AMPD3: variants seen among roughly 807,000 people sequenced by gnomAD.
AMPD3 encodes the protein adenosine monophosphate deaminase 3.
Under a neutral mutation model 82.3 loss-of-function variants are expected in AMPD3, and 57 were observed. The ratio of observed to expected loss-of-function variants is 0.69; its 90% CI spans 0.56 to 0.86. AMPD3 has a LOEUF of 0.86. Among genes scored for constraint, AMPD3 ranks in the 40% least tolerant of loss-of-function variants. AMPD3 has a pLI of 0.00. For synonymous variants in AMPD3, 381 were observed against 394.7 expected (o/e 0.97, Z 0.41); for missense variants, 870 against 1,003.8 (o/e 0.87, Z 1.80).
Position 10,500,235 on chromosome 11 carries a change from C to G in AMPD3, c.1707C>G (p.Leu569=), listed in dbSNP as rs1849537964. The change falls in exon 11 of 15, where the codon CTC becomes CTG. Residue 569 remains leucine (L), a synonymous_variant. Transcript: ENST00000396553. ...ACATGTATGCCAACATCATGGTGCTCAACAACCTCCGCAGGTGCGTGAGGC... is the reference window on the plus strand; with the variant it reads ...ACATGTATGCCAACATCATGGTGCTGAACAACCTCCGCAGGTGCGTGAGGC... ...LYYMYANIMV[L]NNLRRERGLS... 8 of 1,614,240 alleles carry G rather than the reference C, an allele frequency of 5.0e-6. No individual in the cohort carries two copies. The East Asian group carries it at 1.8e-4, about 36-fold the overall frequency.
At chr11:10,457,912 G>T (rs149396103) in intron 1 of AMPD3, among the ~76,000 whole-genome samples, 56 of 150,142 alleles carry the variant, frequency 3.7e-4, no homozygotes, top group Middle Eastern at 6.8e-3. Flanking sequence ...ATGAATAAAT[G>T]CATGCTTCAT....
chr11:10,451,427 T>C (rs1009507040), upstream of AMPD3, among the ~76,000 whole-genome samples: 5 of 152,202 alleles, frequency 3.3e-5, no homozygotes, highest in African/African-American at 9.6e-5. Context: ...AGGCGAGGGA[T>C]GCACTGGATG....
chr11:10,490,633 T>C, intron 6 of AMPD3: 1 of 985,424 alleles, frequency 1.0e-6, no homozygotes, highest in South Asian at 4.7e-5. Context: ...GAAGTTTGGA[T>C]GGGGTGCTTC....
intron 8 of AMPD3, 47 bp from the exon 9 acceptor site, chr11:10,495,523 A>G (rs1849367788): frequency 6.2e-7 from 1 of 1,612,006 alleles, no homozygotes; most frequent in Non-Finnish European, 8.5e-7. Context: ...AGAGTCTCCC[A>G]TGTAGCTGGG....
intron 12 of AMPD3, 152 bp downstream of exon 12, chr11:10,501,742 T>G: frequency 6.8e-7 from 1 of 1,466,038 alleles, no homozygotes; most frequent in East Asian, 2.5e-5. Flanking sequence ...GAAAGTAATA[T>G]AATCAAACTC....
intron 11 of AMPD3, chr11:10,500,966 G>A (rs1259213225): frequency 6.1e-6 from 6 of 985,396 alleles, no homozygotes; most frequent in Non-Finnish European, 6.0e-6. Flanking sequence ...TTCGAATGGG[G>A]TCCTGATTGA....
At chr11:10,470,179 T>A (rs747267239) in intron 2 of AMPD3, among the ~76,000 whole-genome samples, 1 of 152,202 alleles carries the variant, frequency 6.6e-6, no homozygotes, top group Admixed American at 6.5e-5. Flanking sequence ...TCAATCAGCG[T>A]AATCCATCGC....
chr11:10,493,372 CG>C lies in AMPD3; in HGVS notation c.964del (p.Ala322ProfsTer3). On this transcript the variant is annotated frameshift_variant, in exon 7 of 15. Transcript: ENST00000396553. LOFTEE classifies it high-confidence loss of function. ...RKVDTHIHAAACMNQKHLLRF... is the reference protein window; with the variant it reads ...RKVDTHIHAAXCMNQKHLLRF... Reference sequence around the variant, plus strand: ...AGGTGGACACACACATCCATGCGGCCGCCTGCATGAACCAAAAGCATCTGCT... The same window carrying C: ...AGGTGGACACACACATCCATGCGGCCCCTGCATGAACCAAAAGCATCTGCT... The C allele has an allele frequency of 6.2e-7, 1 of 1,614,170 alleles. No homozygotes were observed. Among genetic ancestry groups the C allele is most frequent in the Non-Finnish European group, 8.5e-7 (1 of 1,180,036 alleles).
rs756654872 is a variant in AMPD3 at position 10,505,881 on chromosome 11, C to G, written c.2301C>G (p.Asn767Lys). ...MKSEEITALTN is the reference protein window; with the variant it reads ...MKSEEITALTK ...CAGAAGAGATCACCGCCTTGACCAA[C>G]TAGGTCCAGCATTTGACATGCATTT... The change falls in exon 15 of 15, where the codon AAC (asparagine) becomes AAG (lysine). Residue 767 changes from asparagine (N) to lysine (K), a missense_variant. By Grantham distance (94) the Asn-to-Lys change is moderately conservative. Transcript: ENST00000396553. The G allele has an allele frequency of 1.2e-6, 2 of 1,614,154 alleles. No homozygotes were observed. The highest frequency in any genetic ancestry group is 1.1e-5 in the South Asian group (1 of 91,088).
intron 4 of AMPD3, chr11:10,484,163 G>A (rs1253769614): frequency 2.6e-5 from 21 of 806,386 alleles, no homozygotes; most frequent in Non-Finnish European, 3.1e-5. Context: ...AGGTAAAGGA[G>A]TTTGCTGAAA....
chr11:10,469,205 C>T (rs1848509570), intron 2 of AMPD3, among the ~76,000 whole-genome samples: 1 of 151,440 alleles, frequency 6.6e-6, no homozygotes, highest in African/African-American at 2.4e-5. Flanking sequence ...AATCCAGGAG[C>T]TGTTTTTTTT....
At chr11:10,486,465 C>T (rs1849073611) in intron 5 of AMPD3, 2 of 739,130 alleles carry the variant, frequency 2.7e-6, no homozygotes, top group Non-Finnish European at 3.3e-6. Flanking sequence ...TTGGCCACAG[C>T]AGTGAGCACC....
At chr11:10,457,248 GATTATAGGC>G (rs1223384001) in intron 1 of AMPD3, among the ~76,000 whole-genome samples, 2 of 151,896 alleles carry the variant, frequency 1.3e-5, no homozygotes, top group East Asian at 3.9e-4. Flanking sequence ...AAATTGCTTG[GATTATAGGC>G]ATGAGCCACT....
At chr11:10,471,383 A>G (rs1000493134) in intron 2 of AMPD3, among the ~76,000 whole-genome samples, 7 of 152,238 alleles carry the variant, frequency 4.6e-5, no homozygotes, top group Admixed American at 2.0e-4. Context: ...CATTCAGGAC[A>G]TAGGCATGGG....
upstream of AMPD3, chr11:10,450,682 G>A: frequency 9.6e-7 from 1 of 1,044,590 alleles, no homozygotes; most frequent in Non-Finnish European, 1.2e-6. Context: ...CCGCGCCCCT[G>A]CTGCTCTCAA....
At chr11:10,469,740 A>G (rs1848529455) in intron 2 of AMPD3, among the ~76,000 whole-genome samples, 1 of 152,218 alleles carries the variant, frequency 6.6e-6, no homozygotes, top group Admixed American at 6.5e-5. Context: ...CCTGATGAAC[A>G]TCGATGTAAA....
chr11:10,460,810 A>C, intron 1 of AMPD3: 1 of 793,348 alleles, frequency 1.3e-6, no homozygotes, highest in Non-Finnish European at 1.5e-6. Flanking sequence ...CCAACCAAGC[A>C]GGTGGTTGAG....
chr11:10,451,086 C>G (rs370358027), upstream of AMPD3: 273 of 1,555,986 alleles, frequency 1.8e-4, 1 homozygote, highest in African/African-American at 3.4e-3. Context: ...GGGCCAGCCC[C>G]GCGGACCCTG....
chr11:10,483,282 C>T (rs186396948), intron 4 of AMPD3, among the ~76,000 whole-genome samples: 18 of 152,214 alleles, frequency 1.2e-4, no homozygotes, highest in Admixed American at 7.2e-4. Context: ...GGAAACCCCA[C>T]TCCTGAAAGT....
Sources: gnomAD v4.1 joint callset for allele counts (sites outside exome capture counted in the v4.1 genomes callset) on GRCh38, gnomAD v4.1.1 for gene constraint, MANE v1.5 for transcripts, NCBI Gene and HGNC (gene_info 2026-07-23, HGNC 2026-07-21) for gene names.